Variants in GATA3 observed in about 807,000 individuals in gnomAD.
GATA3 encodes the protein trans-acting T-cell-specific transcription factor GATA-3.
A neutral mutation model predicts 36.0 loss-of-function variants in GATA3; 6 were observed. The observed-to-expected ratio is 0.17, with a 90% CI of 0.09 to 0.33. The LOEUF is 0.33. GATA3 is among the 10% of genes least tolerant of loss of function. The pLI is 1.00. For missense variants in GATA3, 514 were observed against 610.1 expected, an observed-to-expected ratio of 0.84 and a Z score of 1.66; for synonymous variants, 326 against 273.0, an observed-to-expected ratio of 1.19 and a Z score of -1.92.
chr10:8,048,102 C>T (rs1447310427), intron 1 of GATA3, among the ~76,000 whole-genome samples: 1 of 152,206 alleles, frequency 6.6e-6, no homozygotes, highest in Admixed American at 6.5e-5. Flanking sequence ...CTAGGCTAAT[C>T]TAGATGAGTC....
intron 3 of GATA3, among the ~76,000 whole-genome samples, chr10:8,059,319 G>A (rs766385691): frequency 3.0e-4 from 46 of 152,200 alleles, no homozygotes; most frequent in Non-Finnish European, 1.6e-4. Flanking sequence ...AGGGGACCAC[G>A]CAGTGAGGAC....
chr10:8,066,325 CTG>C (rs1832841410), intron 4 of GATA3, among the ~76,000 whole-genome samples: 1 of 152,038 alleles, frequency 6.6e-6, no homozygotes, highest in African/African-American at 2.4e-5. Flanking sequence ...ACATTTTCAT[CTG>C]TCTTTTCTTT....
intron 5 of GATA3, 107 bp from the exon 6 acceptor site, chr10:8,073,632 C>A: frequency 8.1e-7 from 1 of 1,241,954 alleles, no homozygotes; most frequent in South Asian, 1.4e-5. Flanking sequence ...GGAAACAGAT[C>A]CCTGATCCGG....
intron 5 of GATA3, 88 bp from the exon 6 acceptor site, chr10:8,073,651 G>T (rs2131519228): frequency 6.9e-7 from 1 of 1,441,868 alleles, no homozygotes; most frequent in Non-Finnish European, 9.3e-7. Context: ...GGGGCGGTCA[G>T]TGGAACCCTT....
At chr10:8,054,429 C>T (rs1832579467), upstream of GATA3, among the ~76,000 whole-genome samples, 2 of 152,262 alleles carry the variant, frequency 1.3e-5, no homozygotes, top group African/African-American at 4.8e-5. This position sits in a 1 kb window ranked among gnomAD's most constrained non-coding sequence, Gnocchi z 4.2. Flanking sequence ...CGTCCGCCCC[C>T]AAGCCCCGCG....
At chr10:8,067,546 C>T (rs11567946) in intron 4 of GATA3, among the ~76,000 whole-genome samples, 13 of 152,284 alleles carry the variant, frequency 8.5e-5, no homozygotes, top group Middle Eastern at 6.8e-3. Flanking sequence ...AGGCCGGGTG[C>T]GGTGGCTCAC....
At chr10:8,056,213 A>G (rs1471318838) in intron 2 of GATA3, among the ~76,000 whole-genome samples, 1 of 151,766 alleles carries the variant, frequency 6.6e-6, no homozygotes, top group Non-Finnish European at 1.5e-5. Context: ...GGGTCTCGGG[A>G]TGTCCCCAAG....
upstream of GATA3, among the ~76,000 whole-genome samples, chr10:8,048,994 CT>C (rs1328636285): frequency 6.6e-6 from 1 of 151,632 alleles, no homozygotes; most frequent in Non-Finnish European, 1.5e-5. Flanking sequence ...CGCATCTCCT[CT>C]TTTTTGACTC....
At chr10:8,061,608 G>GA (rs941512902) in intron 3 of GATA3, among the ~76,000 whole-genome samples, 1 of 152,294 alleles carries the variant, frequency 6.6e-6, no homozygotes, top group Non-Finnish European at 1.5e-5. Flanking sequence ...AGGCAGCAAG[G>GA]AAAAAAGAAG....
At position 8,058,844 on chromosome 10, in the gene GATA3, AGGAGCCAGCTCTTCCCT is replaced by A; in HGVS notation, c.778+10_778+26del. On this transcript the variant is annotated splice_donor_5th_base_variant and intron_variant, in intron 3 of 5. Coordinates refer to ENST00000379328, the MANE Select transcript of GATA3 (RefSeq NM_001002295.2). The stretch of plus-strand genomic sequence containing the variant: ...GCCCAAGGCCCGGTCCAGCACAGGT[AGGAGCCAGCTCTTCCCT>A]GGAGCCTTTTCTCCTCCCTCCTCCC... The A allele has an allele frequency of 6.2e-7, 1 of 1,602,122 alleles. No individual in the cohort carries two copies. Among genetic ancestry groups the A allele is most frequent in the Non-Finnish European group, 8.5e-7 (1 of 1,179,868 alleles).
intron 4 of GATA3, among the ~76,000 whole-genome samples, chr10:8,065,962 T>TAAAAAAAA (rs66810069): frequency 1.1e-5 from 1 of 91,086 alleles, no homozygotes; most frequent in African/African-American, 4.2e-5. Context: ...CTGGCCTTAG[T>TAAAAAAAA]AAAAAAAAAA....
At chr10:8,049,291 T>A (rs1832432405), upstream of GATA3, among the ~76,000 whole-genome samples, 4 of 152,146 alleles carry the variant, frequency 2.6e-5, no homozygotes, top group Admixed American at 2.6e-4. Flanking sequence ...ATCTTCCCAT[T>A]GCCAGTGAGT....
At chr10:8,069,723 G>T in intron 5 of GATA3, 125 bp downstream of exon 5, 9 of 1,155,042 alleles carry the variant, frequency 7.8e-6, no homozygotes, top group Non-Finnish European at 1.1e-5. Flanking sequence ...CCAAATAATT[G>T]ATGCAATAGG....
At chr10:8,058,176 G>A (rs1832674847) in intron 2 of GATA3, 129 bp from the exon 3 acceptor site, 8 of 1,000,770 alleles carry the variant, frequency 8.0e-6, no homozygotes, top group Non-Finnish European at 1.2e-5. Flanking sequence ...TGAGAGAGTG[G>A]GCCTGAGCCC....
chr10:8,072,147 G>T (rs1209540299), intron 5 of GATA3, among the ~76,000 whole-genome samples: 1 of 152,190 alleles, frequency 6.6e-6, no homozygotes, highest in Non-Finnish European at 1.5e-5. Context: ...TAAGGTCTCA[G>T]CTCCAGTGTG....
chr10:8,058,929 G>A, intron 3 of GATA3, 88 bp downstream of exon 3: 1 of 1,294,718 alleles, frequency 7.7e-7, no homozygotes, highest in Non-Finnish European at 1.1e-6. Context: ...ACCCCTCAGG[G>A]GAGCCGGGGT....
At chr10:8,051,009 G>T (rs902799037), upstream of GATA3, 1 of 512,652 alleles carries the variant, frequency 2.0e-6, no homozygotes, top group Admixed American at 2.0e-5. Context: ...TGGCCCGGCC[G>T]CGAGCATCTC....
chr10:8,058,619 T>A lies in GATA3; in HGVS notation c.556T>A (p.Tyr186Asn). ...ARQDEKECLK[Y>N]QVPLPDSMKL... ...GCAGGACGAGAAAGAGTGCCTCAAGTACCAGGTGCCCCTGCCCGACAGCAT... is the reference window on the plus strand; with the variant it reads ...GCAGGACGAGAAAGAGTGCCTCAAGAACCAGGTGCCCCTGCCCGACAGCAT... Residue 186 changes from tyrosine (Y) to asparagine (N), a missense_variant, in exon 3 of 6, where the codon TAC becomes AAC. Tyr to Asn is a moderately radical substitution (Grantham distance 143). This residue lies in a region of GATA3 where 381 missense variants were observed against 354.3 expected (regional missense o/e 1.08). Coordinates refer to ENST00000379328, the MANE Select transcript of GATA3 (RefSeq NM_001002295.2). The A allele has an allele frequency of 6.2e-7, 1 of 1,612,310 alleles. No homozygotes were observed. The highest frequency in any genetic ancestry group is 8.5e-7 in the Non-Finnish European group (1 of 1,179,880).
At chr10:8,066,351 C>G (rs1241174548) in intron 4 of GATA3, among the ~76,000 whole-genome samples, 1 of 151,790 alleles carries the variant, frequency 6.6e-6, no homozygotes, top group African/African-American at 2.4e-5. Flanking sequence ...AATCATCTGT[C>G]TTTGGTGGTT....
Sources: allele counts gnomAD v4.1 joint callset (sites outside exome capture counted in the v4.1 genomes callset), GRCh38; gene constraint gnomAD v4.1.1; regional missense constraint gnomAD v4.1.1; non-coding constraint Gnocchi (gnomAD v3.1); transcripts MANE v1.5; gene names NCBI Gene and HGNC (gene_info 2026-07-23, HGNC 2026-07-21).